Variants in RAD51B observed in about 807,000 individuals in gnomAD.
RAD51B encodes RAD51 paralog B, also known as DNA repair protein RAD51 homolog 2.
In RAD51B, 38 loss-of-function variants were observed where a neutral mutation model predicts 42.2. The observed-to-expected ratio is 0.90, with a 90% CI of 0.70 to 1.18. The LOEUF is 1.18. RAD51B is among the 50% of genes most tolerant of loss of function. The pLI is 0.00. For synonymous variants in RAD51B, 154 were observed against 145.2 expected (o/e 1.06, Z -0.43); for missense variants, 373 against 400.7 (o/e 0.93, Z 0.59).
chr14:68,351,733 C>G (rs1355049792), intron 8 of RAD51B, among the ~76,000 whole-genome samples: 1 of 152,092 alleles, frequency 6.6e-6, no homozygotes, highest in Non-Finnish European at 1.5e-5. Context: ...GGGATTAGAC[C>G]ACAGTCAGGG....
chr14:68,179,453 G>C lies in RAD51B; in HGVS notation c.757-112431G>C, dbSNP rs533648165. On this transcript the variant is annotated intron_variant, in intron 7 of 10. Transcript: ENST00000471583. ...TCATTCCTCTGATACAAATGTATTT[G>C]TTGTTTTATTTCGGAGCTACAGATA... Among the ~76,000 whole-genome samples, 12 of 152,206 alleles carry C rather than the reference G, an allele frequency of 7.9e-5. 1 individual carries two copies. In the South Asian group the frequency reaches 2.5e-3, roughly 32 times the overall value.
intron 7 of RAD51B, among the ~76,000 whole-genome samples, chr14:67,934,555 T>C (rs138945399): frequency 6.6e-6 from 1 of 152,312 alleles, no homozygotes; most frequent in East Asian, 1.9e-4. Context: ...AGAGAGTTGA[T>C]AGCTAAAGGG....
At chr14:67,945,917 A>G (rs73282444) in intron 7 of RAD51B, among the ~76,000 whole-genome samples, 4,047 of 152,330 alleles carry the variant, frequency 0.027, 183 homozygotes, top group African/African-American at 0.092. Context: ...AGTGAGTTTC[A>G]TAACCCTTAA....
chr14:68,360,250 C>T (rs1293965973), intron 8 of RAD51B, among the ~76,000 whole-genome samples: 1 of 152,232 alleles, frequency 6.6e-6, no homozygotes, highest in African/African-American at 2.4e-5. Flanking sequence ...GCCTCTGCAG[C>T]TTCTGTGCCT....
At chr14:68,374,397 C>T (rs1032302407) in intron 8 of RAD51B, among the ~76,000 whole-genome samples, 2 of 152,178 alleles carry the variant, frequency 1.3e-5, no homozygotes, top group Admixed American at 1.3e-4. Flanking sequence ...GAGAAGGAAT[C>T]AGTGAAGGCA....
intron 8 of RAD51B, among the ~76,000 whole-genome samples, chr14:68,303,075 G>A (rs976306607): frequency 3.3e-5 from 5 of 152,128 alleles, no homozygotes; most frequent in Admixed American, 6.6e-5. Context: ...GGGTAATAGG[G>A]AGCCATTGAA....
chr14:68,441,892 C>T (rs1290092482), intron 9 of RAD51B, among the ~76,000 whole-genome samples: 1 of 152,154 alleles, frequency 6.6e-6, no homozygotes, highest in African/African-American at 2.4e-5. Flanking sequence ...TTGTGCTAAA[C>T]CATAGGATAT....
chr14:68,595,564 A>G, exon 11 of RAD51B: 1 of 1,066,664 alleles, frequency 9.4e-7, no homozygotes, highest in Non-Finnish European at 1.1e-6. Context: ...GCTTTTAAGG[A>G]AGGACTAAGT....
chr14:68,090,966 C>T (rs1384520779), intron 7 of RAD51B, among the ~76,000 whole-genome samples: 3 of 149,896 alleles, frequency 2.0e-5, no homozygotes, highest in African/African-American at 7.4e-5. Context: ...GTTTTTTGTC[C>T]TTGTGATAGT....
chr14:68,167,122 T>C lies in RAD51B; in HGVS notation c.757-124762T>C, dbSNP rs566565799. On this transcript the variant is annotated intron_variant, in intron 7 of 10. Coordinates refer to ENST00000471583, the MANE Select transcript of RAD51B (RefSeq NM_133510.4). ...GTCTCATTTTAAAAATATTTAGTGG[T>C]TTCTTGTGTGCTATAAGACAAAGTT... 3.3e-4 allele frequency among the ~76,000 whole-genome samples: 50 copies of C among 152,290 alleles called. No individual in the cohort carries two copies. The Middle Eastern group carries it at 0.01, about 31-fold the overall frequency.
chr14:68,586,555 T>C (rs982313125), intron 10 of RAD51B, among the ~76,000 whole-genome samples: 1 of 152,130 alleles, frequency 6.6e-6, no homozygotes, highest in African/African-American at 2.4e-5. Flanking sequence ...GGCAAAGCAG[T>C]GTGAGAGCAG....
intron 10 of RAD51B, among the ~76,000 whole-genome samples, chr14:68,535,953 TAATGTAAGCC>T (rs1887593538): frequency 6.6e-6 from 1 of 152,188 alleles, no homozygotes; most frequent in Non-Finnish European, 1.5e-5. Context: ...TGCTTCTGGC[TAATGTAAGCC>T]AGAGTTTAAA....
At position 68,477,796 on chromosome 14, in the gene RAD51B, AC is replaced by A; in HGVS notation, c.*133del. On this transcript the variant is annotated 3_prime_UTR_variant, in exon 11 of 11. Coordinates refer to ENST00000471583, the MANE Select transcript of RAD51B (RefSeq NM_133510.4). ...TTAGTTGATTGCTGTTGAGATGGTA[AC>A]AGATTTGCTCCTAAACCATTGAGCT... The A allele has an allele frequency of 6.6e-7, 1 of 1,519,186 alleles. No homozygotes were observed. The highest frequency in any genetic ancestry group is 8.8e-7 in the Non-Finnish European group (1 of 1,137,190). 94.1% of individuals were successfully genotyped at this position (1,519,186 alleles called of 1,614,324 possible). A position where few individuals can be genotyped will look rare whatever the true frequency, so the allele number is the denominator to read the frequency against.
intron 10 of RAD51B, among the ~76,000 whole-genome samples, chr14:68,564,851 G>C (rs1038245712): frequency 1.3e-4 from 20 of 152,206 alleles, no homozygotes; most frequent in African/African-American, 3.9e-4. Flanking sequence ...CCAGTGGCCT[G>C]GCTGGCTGAG....
At position 68,101,071 on chromosome 14, in the gene RAD51B, C is replaced by G. The variant is rs1386596298; in HGVS notation, c.757-190813C>G. The stretch of plus-strand genomic sequence containing the variant: ...AGAATGAGCTAAATGGGGAAAAGCC[C>G]CTTATAAAACCATCAGATCTCGTGA... On this transcript the variant is annotated intron_variant, in intron 7 of 10. Coordinates refer to ENST00000471583, the MANE Select transcript of RAD51B (RefSeq NM_133510.4). Among the ~76,000 whole-genome samples the G allele has an allele frequency of 2.6e-5, 4 of 152,042 alleles. 1 individual carries two copies. In the East Asian group the frequency reaches 7.7e-4, roughly 29 times the overall value.
At chr14:68,031,016 G>A (rs183900571) in intron 7 of RAD51B, among the ~76,000 whole-genome samples, 2 of 152,308 alleles carry the variant, frequency 1.3e-5, no homozygotes, top group East Asian at 3.9e-4. Context: ...GTCTTATAAG[G>A]TGTGTTTGAT....
intron 10 of RAD51B, among the ~76,000 whole-genome samples, chr14:68,483,621 G>A (rs756698683): frequency 1.3e-5 from 2 of 152,116 alleles, no homozygotes; most frequent in African/African-American, 4.8e-5. Flanking sequence ...CCATTCTGCC[G>A]CTTGTTACCA....
chr14:68,116,661 G>T (rs56933151), intron 7 of RAD51B, among the ~76,000 whole-genome samples: 2,162 of 152,072 alleles, frequency 0.014, 52 homozygotes, highest in African/African-American at 0.049. Context: ...TAGTAATTTC[G>T]CAGTGTAAAT....
chr14:68,257,273 G>T (rs2080772598), intron 7 of RAD51B, among the ~76,000 whole-genome samples: 1 of 151,980 alleles, frequency 6.6e-6, no homozygotes, highest in Admixed American at 6.5e-5. Context: ...AGTAGATAAT[G>T]GTAATAGTTA....
Sources: gnomAD v4.1 joint callset for allele counts (sites outside exome capture counted in the v4.1 genomes callset) on GRCh38, gnomAD v4.1.1 for gene constraint, MANE v1.5 for transcripts, NCBI Gene and HGNC (gene_info 2026-07-23, HGNC 2026-07-21) for gene names.